Variants in SI observed in about 807,000 individuals in gnomAD.
SI encodes the protein sucrase-isomaltase, intestinal.
Under a neutral mutation model 253.3 loss-of-function variants are expected in SI, and 235 were observed. That is an observed-to-expected ratio of 0.93 (90% confidence interval 0.83 to 1.03). The LOEUF (loss-of-function observed/expected upper bound fraction) is 1.03, where lower values mean the gene tolerates loss of function less well. Ranked by LOEUF, SI falls within the 50% of genes least tolerant of loss-of-function variation. The pLI, the probability that SI is intolerant of heterozygous loss-of-function variation, is 0.00. For missense variants in SI, 2,442 were observed against 2,211.1 expected, an observed-to-expected ratio of 1.10 and a Z score of -2.09; for synonymous variants, 819 against 712.0, an observed-to-expected ratio of 1.15 and a Z score of -2.39.
intron 12 of SI, among the ~76,000 whole-genome samples, chr3:165,056,972 G>T (rs1713722795): frequency 6.6e-6 from 1 of 151,874 alleles, no homozygotes; most frequent in Non-Finnish European, 1.5e-5. Flanking sequence ...AGGAAAACCA[G>T]AATTCACAAA....
At chr3:165,047,338 G>T (rs1713176493) in intron 15 of SI, among the ~76,000 whole-genome samples, 1 of 151,888 alleles carries the variant, frequency 6.6e-6, no homozygotes, top group African/African-American at 2.4e-5. Context: ...GATGTTACTT[G>T]CTTCTCCTTG....
chr3:164,995,028 A>G (rs1296364880), intron 40 of SI, among the ~76,000 whole-genome samples: 1 of 151,842 alleles, frequency 6.6e-6, no homozygotes, highest in African/African-American at 2.4e-5. Context: ...TGCACATATT[A>G]GTTAAAAAAT....
rs180977757 is a variant in SI, at chr3:165,014,309, C to T, written c.3999+814G>A. Among the ~76,000 whole-genome samples, 531 of 152,112 alleles carry T rather than the reference C, an allele frequency of 3.5e-3. 7 individuals are homozygous for T. Among genetic ancestry groups the T allele is most frequent in the African/African-American group, 0.012 (512 of 41,508 alleles). ...TGTCCCCCAGGCTGGAGTTCAGTGG[C>T]TCGATCTTGGCTCACTGCAAGCTCC... On this transcript the variant is annotated intron_variant, in intron 33 of 47. Transcript: ENST00000264382.
At chr3:165,019,987 T>C (rs892250739) in intron 27 of SI, among the ~76,000 whole-genome samples, 4 of 151,764 alleles carry the variant, frequency 2.6e-5, no homozygotes, top group African/African-American at 9.7e-5. Context: ...CATATACTTA[T>C]AGGAGAATCA....
At chr3:165,064,130 G>T (rs775382602) in intron 7 of SI, among the ~76,000 whole-genome samples, 27 of 151,728 alleles carry the variant, frequency 1.8e-4, no homozygotes, top group Non-Finnish European at 3.2e-4. Flanking sequence ...GTCATGATAA[G>T]GTAATGGCAT....
rs747260397 is a variant in SI, at chr3:165,049,827, T to G, written c.1561A>C (p.Asn521His). The change falls in exon 14 of 48, where the codon AAT becomes CAT. Residue 521 changes from asparagine (N) to histidine (H), a missense_variant. By Grantham distance (68) the Asn-to-His change is moderately conservative. Coordinates refer to ENST00000264382, the MANE Select transcript of SI (RefSeq NM_001041.4). ...GGTGGATAATTCAATTTGTTTACAT[T>G]ACATCCTTTTGTTGAACCTTGAATA... is the stretch of plus-strand genomic sequence containing the variant. Reference protein sequence around the residue: ...SFIQGSTKGCNVNKLNYPPFT... With the variant: ...SFIQGSTKGCHVNKLNYPPFT... 12 of 1,608,608 alleles carry G rather than the reference T, an allele frequency of 7.5e-6. No individual in the cohort carries two copies. Among genetic ancestry groups the G allele is most frequent in the Non-Finnish European group, 1.0e-5 (12 of 1,175,782 alleles).
intron 13 of SI, among the ~76,000 whole-genome samples, chr3:165,054,954 T>G (rs745735955): frequency 6.6e-6 from 1 of 152,160 alleles, no homozygotes; most frequent in Admixed American, 6.6e-5. Context: ...GAAATAAAAT[T>G]TATTCTATAC....
intron 20 of SI, among the ~76,000 whole-genome samples, chr3:165,038,296 T>A (rs1302394434): frequency 6.6e-6 from 1 of 152,062 alleles, no homozygotes; most frequent in Non-Finnish European, 1.5e-5. Context: ...AGCTTTTTTA[T>A]TCTTTGTTTT....
At position 165,049,235 on chromosome 3, in the gene SI, T is replaced by A. The variant is rs376816463; in HGVS notation, c.1607A>T (p.Asp536Val). The A allele has an allele frequency of 2.7e-4, 430 of 1,574,704 alleles. No individual in the cohort carries two copies. The highest frequency in any genetic ancestry group is 3.5e-4 in the Non-Finnish European group (404 of 1,145,138). The change falls in exon 15 of 48, where the codon GAC (aspartate) becomes GTC (valine). Residue 536 changes from aspartate to valine, a missense_variant. By Grantham distance (152) the Asp-to-Val change is radical. Coordinates refer to ENST00000264382, the MANE Select transcript of SI (RefSeq NM_001041.4). ...AATTGTTTTGGAATACATGAGTTTG[T>A]CAAGAATATCTTTGAGAAAATACAT... ...NYPPFTPDIL[D>V]KLMYSKTICM... is the part of the protein sequence containing the mutation.
chr3:165,037,856 T>C (rs1254215898), intron 21 of SI, 44 bp downstream of exon 21: 1 of 1,326,214 alleles, frequency 7.5e-7, no homozygotes, highest in Non-Finnish European at 1.1e-6. Flanking sequence ...AATATTAAGA[T>C]TTGAATTTTA....
Position 165,069,125 on chromosome 3 carries a change from A to G in SI, c.326T>C (p.Val109Ala). Residue 109 changes from valine (V) to alanine (A), a missense_variant, in exon 4 of 48, where the codon GTT (valine) becomes GCT (alanine). Physicochemically the swap from Val to Ala is moderately conservative, Grantham distance 64 (BLOSUM62 0). Coordinates refer to ENST00000264382, the MANE Select transcript of SI (RefSeq NM_001041.4). ...NDSLIPWCFFVDNHGYNVQDM... is the reference protein window; with the variant it reads ...NDSLIPWCFFADNHGYNVQDM... ...TTGAACGTTATAACCATGATTATCA[A>G]CGAAGAAGCACCAAGGAATAAGAGA... The G allele has an allele frequency of 1.9e-6, 3 of 1,613,580 alleles. No homozygotes were observed. The highest frequency in any genetic ancestry group is 2.2e-5 in the East Asian group (1 of 44,728).
chr3:165,005,769 C>T (rs1294227694), intron 37 of SI, among the ~76,000 whole-genome samples: 1 of 152,024 alleles, frequency 6.6e-6, no homozygotes. Context: ...TTTTTTCAGA[C>T]AGGTTCTTGT....
intron 15 of SI, among the ~76,000 whole-genome samples, chr3:165,048,316 A>G (rs1401210554): frequency 6.6e-6 from 1 of 151,796 alleles, no homozygotes; most frequent in Non-Finnish European, 1.5e-5. Context: ...TTTGTTTTGT[A>G]TCATATTTTA....
chr3:165,010,079 T>G (rs1304572707), intron 34 of SI, among the ~76,000 whole-genome samples: 1 of 152,226 alleles, frequency 6.6e-6, no homozygotes, highest in African/African-American at 2.4e-5. Flanking sequence ...CTTAACAGTC[T>G]TCTTTATGAA....
intron 16 of SI, among the ~76,000 whole-genome samples, chr3:165,044,843 A>G (rs769437539): frequency 2.6e-5 from 4 of 152,006 alleles, no homozygotes; most frequent in Non-Finnish European, 4.4e-5. Context: ...TCATAAATTT[A>G]CCATTTTATA....
chr3:165,027,866 C>A (rs1450469940), intron 25 of SI, among the ~76,000 whole-genome samples: 1 of 151,412 alleles, frequency 6.6e-6, no homozygotes, highest in African/African-American at 2.4e-5. Flanking sequence ...AGCATTCTCT[C>A]TGAGAACTGG....
At chr3:165,049,060 G>T in intron 15 of SI, 67 bp downstream of exon 15, 1 of 928,872 alleles carries the variant, frequency 1.1e-6, no homozygotes, top group South Asian at 1.3e-5. Context: ...TGAATACATT[G>T]ATAAATTATC....
Position 165,058,977 on chromosome 3 carries a change from G to A in SI, c.1384C>T (p.Pro462Ser), listed in dbSNP as rs769345842. 8 of 1,610,548 alleles carry A rather than the reference G, an allele frequency of 5.0e-6. No homozygotes were observed. The highest frequency in any genetic ancestry group is 1.3e-5 in the African/African-American group (1 of 74,806). ...TCATATTTTACCTCTCCAATAATTG[G>A]TGTACTTCCATCTGACTCATTTATC... Reference protein sequence around the residue: ...VWINESDGSTPIIGEVWPGLT... With the variant: ...VWINESDGSTSIIGEVWPGLT... The change falls in exon 12 of 48, where the codon CCA (proline) becomes TCA (serine). Residue 462 changes from proline (P) to serine (S), a missense_variant. Transcript: ENST00000264382.
intron 37 of SI, among the ~76,000 whole-genome samples, chr3:165,002,989 T>A (rs956289320): frequency 6.6e-5 from 10 of 151,854 alleles, no homozygotes; most frequent in Non-Finnish European, 1.3e-4. Context: ...GCTGATTTCC[T>A]CCTCATAATT....
Sources: allele counts gnomAD v4.1 joint callset (sites outside exome capture counted in the v4.1 genomes callset), GRCh38; gene constraint gnomAD v4.1.1; transcripts MANE v1.5; gene names NCBI Gene and HGNC (gene_info 2026-07-23, HGNC 2026-07-21).